WASF3: variants seen among roughly 807,000 people sequenced by gnomAD.
WASF3 encodes actin-binding protein WASF3.
In WASF3, 11 loss-of-function variants were observed where a neutral mutation model predicts 46.6. That is an observed-to-expected ratio of 0.24 (90% CI 0.15 to 0.39). WASF3 has a LOEUF of 0.39. Among genes scored for constraint, WASF3 ranks in the 10% least tolerant of loss-of-function variants. The pLI, the probability that WASF3 is intolerant of heterozygous loss-of-function variation, is 1.00. For synonymous variants in WASF3, 242 were observed against 259.7 expected (o/e 0.93, Z 0.65); for missense variants, 576 against 669.8 (o/e 0.86, Z 1.55).
At chr13:26,574,081 G>A (rs187723887) in intron 1 of WASF3, among the ~76,000 whole-genome samples, 2 of 152,152 alleles carry the variant, frequency 1.3e-5, no homozygotes, top group East Asian at 3.9e-4. Context: ...TTTTGTTTTT[G>A]CACTGTGATC....
At chr13:26,560,583 A>G (rs1348906739) in intron 1 of WASF3, among the ~76,000 whole-genome samples, 3 of 152,230 alleles carry the variant, frequency 2.0e-5, no homozygotes, top group East Asian at 1.9e-4. Context: ...TAAGAGACAG[A>G]CGCTTTCAAG....
At chr13:26,638,687 GAGTT>G (rs1285499712) in intron 2 of WASF3, 1 of 152,194 alleles carries the variant, frequency 6.6e-6, no homozygotes, top group Non-Finnish European at 1.5e-5. Context: ...ATTCAAAACT[GAGTT>G]AGTGTTAGAG....
chr13:26,656,407 A>G (rs1882466420), intron 3 of WASF3, among the ~76,000 whole-genome samples: 1 of 152,256 alleles, frequency 6.6e-6, no homozygotes, highest in African/African-American at 2.4e-5. Context: ...TCCAGAATTT[A>G]GAAACTATTT....
At chr13:26,587,438 A>G (rs913862654) in intron 1 of WASF3, among the ~76,000 whole-genome samples, 2 of 152,210 alleles carry the variant, frequency 1.3e-5, no homozygotes, top group African/African-American at 4.8e-5. Context: ...CTTTTCCTCT[A>G]TAACCAGTTG....
chr13:26,603,844 G>T (rs933139757), intron 1 of WASF3, among the ~76,000 whole-genome samples: 1 of 152,174 alleles, frequency 6.6e-6, no homozygotes, highest in East Asian at 1.9e-4. Context: ...TCTACCAGGT[G>T]ATTCATAGGT....
upstream of WASF3, among the ~76,000 whole-genome samples, chr13:26,556,028 GC>G (rs1444034401): frequency 6.6e-6 from 1 of 152,162 alleles, no homozygotes; most frequent in Non-Finnish European, 1.5e-5. Flanking sequence ...TTTACCACAT[GC>G]TCAGCACTGT....
chr13:26,582,166 A>G (rs1879997224), intron 1 of WASF3, among the ~76,000 whole-genome samples: 1 of 152,190 alleles, frequency 6.6e-6, no homozygotes, highest in African/African-American at 2.4e-5. Context: ...CATAAATGCA[A>G]TTACATACGG....
At chr13:26,597,937 T>G (rs529136775) in intron 1 of WASF3, among the ~76,000 whole-genome samples, 1 of 152,340 alleles carries the variant, frequency 6.6e-6, no homozygotes, top group African/African-American at 2.4e-5. Context: ...CGTGTGCATG[T>G]GTCTTTATAG....
At chr13:26,551,191 A>C in the WASF3 span, among the ~76,000 whole-genome samples, 1 of 152,094 alleles carries the variant, frequency 6.6e-6, no homozygotes, top group South Asian at 2.1e-4. Context: ...CATGATTCTA[A>C]GTTTCCTGAG....
intron 1 of WASF3, among the ~76,000 whole-genome samples, chr13:26,596,105 A>G: frequency 8.5e-6 from 1 of 117,780 alleles, no homozygotes; most frequent in Non-Finnish European, 1.7e-5. Context: ...GCAGTGTGTA[A>G]GTGATCCTTT....
At chr13:26,557,418 T>G (rs537276105), upstream of WASF3, among the ~76,000 whole-genome samples, 8 of 152,234 alleles carry the variant, frequency 5.3e-5, no homozygotes, top group Admixed American at 1.3e-4. Flanking sequence ...GCCCGAAGTA[T>G]CCCCACCTCT....
intron 2 of WASF3, among the ~76,000 whole-genome samples, chr13:26,626,976 G>T (rs1472356033): frequency 6.6e-6 from 1 of 152,114 alleles, no homozygotes; most frequent in Non-Finnish European, 1.5e-5. Context: ...TACCCAGTTT[G>T]CTGTAAACAC....
At chr13:26,680,401 C>T (rs968884758) in intron 7 of WASF3, among the ~76,000 whole-genome samples, 1 of 152,186 alleles carries the variant, frequency 6.6e-6, no homozygotes, top group African/African-American at 2.4e-5. Flanking sequence ...GCAGGAATCC[C>T]GTCCCTGCAC....
intron 1 of WASF3, among the ~76,000 whole-genome samples, chr13:26,603,955 T>C (rs1880718066): frequency 6.6e-6 from 1 of 152,206 alleles, no homozygotes; most frequent in African/African-American, 2.4e-5. Flanking sequence ...GGTTTCACAC[T>C]GGTGATACTC....
chr13:26,585,681 T>C (rs1880108305), intron 1 of WASF3, among the ~76,000 whole-genome samples: 1 of 152,054 alleles, frequency 6.6e-6, no homozygotes, highest in African/African-American at 2.4e-5. Flanking sequence ...TGTTCACTGC[T>C]GAACCTGCAT....
intron 1 of WASF3, among the ~76,000 whole-genome samples, chr13:26,611,867 T>C (rs554229026): frequency 9.2e-5 from 14 of 151,596 alleles, no homozygotes; most frequent in African/African-American, 3.4e-4. Flanking sequence ...AAAAGGATGG[T>C]TGCGGTCTTA....
At chr13:26,681,895 AC>A (rs1883242891) in intron 8 of WASF3, among the ~76,000 whole-genome samples, 1 of 152,100 alleles carries the variant, frequency 6.6e-6, no homozygotes, top group Non-Finnish European at 1.5e-5. Flanking sequence ...GTCTTTAAAG[AC>A]TTCATTCCTC....
intron 1 of WASF3, among the ~76,000 whole-genome samples, chr13:26,569,017 T>A (rs1879554661): frequency 6.6e-6 from 1 of 152,118 alleles, no homozygotes; most frequent in African/African-American, 2.4e-5. Flanking sequence ...GTATTTTGGA[T>A]AATTAGTTGA....
intron 2 of WASF3, chr13:26,640,262 A>C (rs1881956060): frequency 6.6e-6 from 1 of 152,286 alleles, no homozygotes; most frequent in Non-Finnish European, 1.5e-5. Flanking sequence ...CTATATCCCT[A>C]ATCTTGTCAA....
Sources: allele counts gnomAD v4.1 joint callset (sites outside exome capture counted in the v4.1 genomes callset), GRCh38; gene constraint gnomAD v4.1.1; transcripts MANE v1.5; gene names NCBI Gene and HGNC (gene_info 2026-07-23, HGNC 2026-07-21).